The following ROBO2 variants were observed in gnomAD, a reference collection of about 807,000 sequenced individuals.
ROBO2 encodes the protein roundabout guidance receptor 2.
Under a neutral mutation model 160.8 loss-of-function variants are expected in ROBO2, and 53 were observed. The ratio of observed to expected loss-of-function variants is 0.33; its 90% CI spans 0.26 to 0.41. The LOEUF is 0.41. ROBO2 is among the 10% of genes least tolerant of loss of function. The probability of loss-of-function intolerance (pLI) is 1.00; values close to 1 mark genes in which losing one functional copy is unlikely to be tolerated. For missense variants in ROBO2, 1,577 were observed against 1,722.4 expected, an observed-to-expected ratio of 0.92 and a Z score of 1.49; for synonymous variants, 664 against 611.7, an observed-to-expected ratio of 1.09 and a Z score of -1.26.
chr3:76,903,498 T>C (rs2075375096), intron 2 of ROBO2, among the ~76,000 whole-genome samples: 1 of 152,130 alleles, frequency 6.6e-6, no homozygotes, highest in African/African-American at 2.4e-5. Flanking sequence ...GTATGGTTTT[T>C]GGAGTACCTT....
At position 77,567,799 on chromosome 3, in the gene ROBO2, C is replaced by T. The variant is rs142192622; in HGVS notation, c.1850-514C>T. 2.3e-3 allele frequency among the ~76,000 whole-genome samples: 356 copies of T among 152,188 alleles called. 2 individuals carry two copies. The highest frequency in any genetic ancestry group is 8.3e-3 in the African/African-American group (344 of 41,536). The stretch of plus-strand genomic sequence containing the variant: ...AATTCACTTTCCTAGTCCACCATTA[C>T]TTCTCCATCCATGCTCCCAGACTGA... On this transcript the variant is annotated intron_variant, in intron 12 of 25. Transcript: ENST00000461745.
chr3:76,330,629 A>G (rs1010659034), intron 2 of ROBO2, among the ~76,000 whole-genome samples: 27 of 152,252 alleles, frequency 1.8e-4, no homozygotes, highest in South Asian at 2.1e-4. Flanking sequence ...AAAGATCATC[A>G]TTAAGAGCAA....
chr3:76,243,270 C>T lies in ROBO2; in HGVS notation c.109+305668C>T, dbSNP rs973644266. ...CAGCTTCCAGCTCCTTGAGCACTGC[C>T]GGTCCTTCTATTTTTCTTACCATTC... On this transcript the variant is annotated intron_variant, in intron 2 of 26. Transcript: ENST00000487694. Among the ~76,000 whole-genome samples the T allele has an allele frequency of 9.2e-5, 14 of 151,822 alleles. 1 individual carries two copies. Among genetic ancestry groups the T allele is most frequent in the East Asian group, 3.9e-4 (2 of 5,144 alleles).
chr3:76,010,153 C>T (rs1011610164), intron 2 of ROBO2, among the ~76,000 whole-genome samples: 1 of 152,152 alleles, frequency 6.6e-6, no homozygotes, highest in East Asian at 1.9e-4. Flanking sequence ...CTTAATGTGC[C>T]TGGGGCTTAG....
chr3:76,411,798 G>A (rs2075499508), intron 2 of ROBO2, among the ~76,000 whole-genome samples: 1 of 152,194 alleles, frequency 6.6e-6, no homozygotes, highest in Non-Finnish European at 1.5e-5. Flanking sequence ...ACTGATGAAT[G>A]CTATTGTGTA....
At chr3:76,037,469 C>A (rs2067147711) in intron 2 of ROBO2, among the ~76,000 whole-genome samples, 1 of 151,728 alleles carries the variant, frequency 6.6e-6, no homozygotes, top group Non-Finnish European at 1.5e-5. Flanking sequence ...GTTGGCTGGG[C>A]TGGTCTCGAA....
At chr3:77,142,568 C>T (rs1352864765) in intron 2 of ROBO2, among the ~76,000 whole-genome samples, 1 of 152,150 alleles carries the variant, frequency 6.6e-6, no homozygotes, top group Non-Finnish European at 1.5e-5. Context: ...GCTATTGGAG[C>T]CTGTTGCTTA....
chr3:76,445,287 A>G (rs1164628447), intron 2 of ROBO2, among the ~76,000 whole-genome samples: 7 of 152,222 alleles, frequency 4.6e-5, no homozygotes, highest in Non-Finnish European at 1.0e-4. Flanking sequence ...TCAACATTTA[A>G]TGGAAAGTGT....
chr3:76,991,168 C>T (rs2060645193), intron 2 of ROBO2, among the ~76,000 whole-genome samples: 1 of 152,122 alleles, frequency 6.6e-6, no homozygotes, highest in South Asian at 2.1e-4. Context: ...TTATGCTGCT[C>T]AGTAAAATTC....
At position 76,947,712 on chromosome 3, in the gene ROBO2, G is replaced by T. The variant is rs113829273; in HGVS notation, c.110-150302G>T. Among the ~76,000 whole-genome samples, 44 of 151,526 alleles carry T rather than the reference G, an allele frequency of 2.9e-4. 1 individual carries two copies. The highest frequency in any genetic ancestry group is 9.9e-4 in the African/African-American group (41 of 41,316). The stretch of plus-strand genomic sequence containing the variant: ...TCCTGCAATCGATGACATGGGACTG[G>T]TTTTTTTCTTAGTTAACAATTTCAA... On this transcript the variant is annotated intron_variant, in intron 2 of 26. Coordinates refer to the ROBO2 transcript ENST00000487694.
intron 6 of ROBO2, among the ~76,000 whole-genome samples, chr3:77,537,107 G>GC (rs1553650257): frequency 2.1e-5 from 3 of 142,422 alleles, no homozygotes; most frequent in Non-Finnish European, 4.6e-5. Context: ...TGTGGGGGGG[G>GC]GGTGTATTAC....
At chr3:76,726,383 C>T in intron 2 of ROBO2, among the ~76,000 whole-genome samples, 1 of 152,266 alleles carries the variant, frequency 6.6e-6, no homozygotes, top group South Asian at 2.1e-4. Flanking sequence ...ATTGTTAACA[C>T]TTTGCCCTCC....
chr3:76,108,520 C>A (rs778808417), intron 2 of ROBO2, among the ~76,000 whole-genome samples: 11 of 151,676 alleles, frequency 7.3e-5, no homozygotes, highest in Non-Finnish European at 1.3e-4. Flanking sequence ...AAGATTTTGT[C>A]CAAATTTTTT....
At chr3:76,413,841 G>C (rs1394256368) in intron 2 of ROBO2, among the ~76,000 whole-genome samples, 1 of 152,016 alleles carries the variant, frequency 6.6e-6, no homozygotes, top group Non-Finnish European at 1.5e-5. Context: ...ACATTTTTGG[G>C]TATCTTTTCA....
chr3:76,627,485 A>T (rs1025390921), intron 2 of ROBO2, among the ~76,000 whole-genome samples: 4 of 152,242 alleles, frequency 2.6e-5, no homozygotes, highest in African/African-American at 9.6e-5. Context: ...CATGCAGATG[A>T]TGGCTGCTAA....
At chr3:76,974,207 C>T (rs1464585453) in intron 2 of ROBO2, among the ~76,000 whole-genome samples, 7 of 152,144 alleles carry the variant, frequency 4.6e-5, no homozygotes, top group Non-Finnish European at 1.0e-4. Flanking sequence ...AACATTACAT[C>T]TGAAAACATA....
At chr3:76,201,375 C>T (rs186719499) in intron 2 of ROBO2, among the ~76,000 whole-genome samples, 9 of 152,216 alleles carry the variant, frequency 5.9e-5, no homozygotes, top group Admixed American at 2.0e-4. Context: ...CATTGAACTC[C>T]ATTGCATTAC....
intron 2 of ROBO2, among the ~76,000 whole-genome samples, chr3:75,997,376 G>T (rs7638919): frequency 1.3e-5 from 2 of 151,940 alleles, no homozygotes; most frequent in African/African-American, 2.4e-5. Context: ...TCTTAAAAAT[G>T]TAATTATAAC....
chr3:76,886,568 T>C (rs1425505743), intron 2 of ROBO2, among the ~76,000 whole-genome samples: 3 of 151,992 alleles, frequency 2.0e-5, no homozygotes, highest in Non-Finnish European at 4.4e-5. Flanking sequence ...TACAGATGGG[T>C]GGAAGATCAG....
Sources: allele counts gnomAD v4.1 joint callset (sites outside exome capture counted in the v4.1 genomes callset), GRCh38; gene constraint gnomAD v4.1.1; transcripts MANE v1.5; gene names NCBI Gene and HGNC (gene_info 2026-07-23, HGNC 2026-07-21).